HMGB1: variants seen among roughly 807,000 people sequenced by gnomAD.
HMGB1 encodes high mobility group box 1.
For synonymous variants in HMGB1, 81 were observed against 84.0 expected (o/e 0.96, Z 0.19); for missense variants, 79 against 253.5 (o/e 0.31, Z 4.67).
chr13:30,493,906 G>T (rs1887554312), intron 1 of HMGB1, among the ~76,000 whole-genome samples: 1 of 151,776 alleles, frequency 6.6e-6, no homozygotes, highest in Non-Finnish European at 1.5e-5. Flanking sequence ...CTGAGCCCAG[G>T]ATTTCAAGAC....
At chr13:30,576,564 G>A (rs184084126) in intron 1 of HMGB1, among the ~76,000 whole-genome samples, 3 of 151,558 alleles carry the variant, frequency 2.0e-5, no homozygotes, top group East Asian at 3.9e-4. Context: ...TGCTTGCCTC[G>A]TAAATATTTT....
intron 1 of HMGB1, among the ~76,000 whole-genome samples, chr13:30,573,777 A>C (rs1213838085): frequency 2.0e-5 from 3 of 151,948 alleles, no homozygotes; most frequent in Non-Finnish European, 4.4e-5. Context: ...CGGCCTCCCA[A>C]GTAGCAGGGA....
At chr13:30,534,192 A>G (rs1465008405) in intron 1 of HMGB1, among the ~76,000 whole-genome samples, 1 of 152,186 alleles carries the variant, frequency 6.6e-6, no homozygotes, top group East Asian at 1.9e-4. Flanking sequence ...GTTGGTGAAC[A>G]TGTGAAAAAG....
At chr13:30,492,643 G>A (rs1025467902) in intron 1 of HMGB1, among the ~76,000 whole-genome samples, 1 of 152,160 alleles carries the variant, frequency 6.6e-6, no homozygotes, top group East Asian at 1.9e-4. Flanking sequence ...ATGTACAACT[G>A]CTGATAGGAA....
chr13:30,464,733 G>T, intron 1 of HMGB1: 1 of 653,922 alleles, frequency 1.5e-6, no homozygotes, highest in Non-Finnish European at 1.9e-6. Flanking sequence ...GCGAGGGCGA[G>T]CGCGAGCGAG....
At chr13:30,535,559 G>A (rs1265317260) in intron 1 of HMGB1, among the ~76,000 whole-genome samples, 1 of 152,118 alleles carries the variant, frequency 6.6e-6, no homozygotes, top group African/African-American at 2.4e-5. Flanking sequence ...CATGCTTATT[G>A]TATCTTACCA....
At chr13:30,549,909 G>C (rs1245964192) in intron 1 of HMGB1, among the ~76,000 whole-genome samples, 1 of 151,894 alleles carries the variant, frequency 6.6e-6, no homozygotes, top group Non-Finnish European at 1.5e-5. Flanking sequence ...TAGAGACGGG[G>C]TTTTGCCATG....
At chr13:30,475,064 A>G (rs1593264675) in intron 1 of HMGB1, among the ~76,000 whole-genome samples, 1 of 73,540 alleles carries the variant, frequency 1.4e-5, no homozygotes, top group Non-Finnish European at 2.4e-5. Context: ...TTTTTTTGAG[A>G]CAGTCTCGCT....
At chr13:30,517,473 C>T (rs1888126279) in intron 1 of HMGB1, among the ~76,000 whole-genome samples, 1 of 152,254 alleles carries the variant, frequency 6.6e-6, no homozygotes, top group Non-Finnish European at 1.5e-5. Context: ...GGCACAGTCT[C>T]AGCTCACTGC....
chr13:30,516,036 C>T (rs892778471), intron 1 of HMGB1, among the ~76,000 whole-genome samples: 1 of 152,168 alleles, frequency 6.6e-6, no homozygotes, highest in Non-Finnish European at 1.5e-5. Context: ...CCCTCACCCC[C>T]GGAGATTTAC....
chr13:30,586,937 A>C (rs1871178830), intron 1 of HMGB1, among the ~76,000 whole-genome samples: 1 of 152,202 alleles, frequency 6.6e-6, no homozygotes, highest in Non-Finnish European at 1.5e-5. Flanking sequence ...TATATTGAAT[A>C]AATGTTTGTT....
intron 1 of HMGB1, among the ~76,000 whole-genome samples, chr13:30,614,237 G>C (rs1237901273): frequency 6.6e-6 from 1 of 152,212 alleles, no homozygotes; most frequent in African/African-American, 2.4e-5. Context: ...CCACGTGAAT[G>C]AATGTGTTAC....
intron 1 of HMGB1, among the ~76,000 whole-genome samples, chr13:30,506,440 T>G (rs1385182707): frequency 1.3e-5 from 2 of 152,108 alleles, no homozygotes; most frequent in Non-Finnish European, 2.9e-5. Context: ...TGAGCCAACA[T>G]TTATTGAACC....
intron 1 of HMGB1, among the ~76,000 whole-genome samples, chr13:30,614,946 G>A (rs951706435): frequency 3.4e-5 from 5 of 147,872 alleles, no homozygotes; most frequent in Non-Finnish European, 5.9e-5. Context: ...TCCTGACCTC[G>A]TGATCCACCC....
intron 1 of HMGB1, among the ~76,000 whole-genome samples, chr13:30,529,204 C>T (rs1392937745): frequency 6.6e-6 from 1 of 152,078 alleles, no homozygotes; most frequent in Non-Finnish European, 1.5e-5. Flanking sequence ...ACCCACATCT[C>T]CATCACAATG....
At chr13:30,523,012 C>T (rs1460093132) in intron 1 of HMGB1, among the ~76,000 whole-genome samples, 2 of 152,240 alleles carry the variant, frequency 1.3e-5, no homozygotes, top group Non-Finnish European at 2.9e-5. Context: ...CTGTGCCTGG[C>T]CCAACTTGCA....
intron 1 of HMGB1, among the ~76,000 whole-genome samples, chr13:30,546,210 G>T (rs1869151191): frequency 6.6e-6 from 1 of 152,134 alleles, no homozygotes; most frequent in South Asian, 2.1e-4. Flanking sequence ...CTGCCTCCCG[G>T]GTTCAAGCAA....
chr13:30,476,929 C>G (rs754983307), intron 1 of HMGB1, among the ~76,000 whole-genome samples: 6 of 151,600 alleles, frequency 4.0e-5, no homozygotes, highest in Non-Finnish European at 5.9e-5. Context: ...GGATGCTTAT[C>G]TGTCTTTTAC....
At chr13:30,571,598 T>C (rs988905917) in intron 1 of HMGB1, among the ~76,000 whole-genome samples, 1 of 152,206 alleles carries the variant, frequency 6.6e-6, no homozygotes, top group Non-Finnish European at 1.5e-5. Flanking sequence ...CCAGCCTAAA[T>C]GGCCAAGTTT....
Sources: gnomAD v4.1 joint callset for allele counts (sites outside exome capture counted in the v4.1 genomes callset) on GRCh38, gnomAD v4.1.1 for gene constraint, MANE v1.5 for transcripts, NCBI Gene and HGNC (gene_info 2026-07-23, HGNC 2026-07-21) for gene names.